The following COP1 variants were observed in gnomAD, a reference collection of about 807,000 sequenced individuals.
The protein encoded by COP1 is E3 ubiquitin-protein ligase COP1.
A neutral mutation model predicts 101.3 loss-of-function variants in COP1; 24 were observed. The observed-to-expected ratio is 0.24, with a 90% CI of 0.17 to 0.33. The LOEUF (loss-of-function observed/expected upper bound fraction) is 0.33, where lower values mean the gene tolerates loss of function less well. COP1 is among the 10% of genes least tolerant of loss of function. COP1 has a pLI of 1.00. For synonymous variants in COP1, 347 were observed against 341.9 expected, an observed-to-expected ratio of 1.01 and a Z score of -0.17; for missense variants, 663 against 906.2, an observed-to-expected ratio of 0.73 and a Z score of 3.45.
At chr1:175,979,124 T>C (rs766759055) in intron 18 of COP1, among the ~76,000 whole-genome samples, 3 of 152,110 alleles carry the variant, frequency 2.0e-5, no homozygotes, top group Admixed American at 6.5e-5. Context: ...CCAAACATGA[T>C]TGTTCATATA....
intron 18 of COP1, among the ~76,000 whole-genome samples, chr1:175,954,908 A>C (rs1280228537): frequency 1.3e-5 from 2 of 152,110 alleles, no homozygotes. Context: ...CAGATATTAA[A>C]ATTGGTTTTC....
intron 11 of COP1, among the ~76,000 whole-genome samples, chr1:176,067,564 C>T (rs779315773): frequency 2.0e-4 from 30 of 152,054 alleles, no homozygotes; most frequent in African/African-American, 2.9e-4. Flanking sequence ...CTGAGCGGCC[C>T]GACTCCAGGG....
intron 6 of COP1, 48 bp from the exon 7 acceptor site, chr1:176,136,595 C>G: frequency 7.8e-7 from 1 of 1,289,740 alleles, no homozygotes. Flanking sequence ...AAGCCTAAGC[C>G]AAACCAAAAT....
rs549613379 is a variant in COP1 at position 176,069,308 on chromosome 1, C to T, written c.1277+11844G>A. 1.8e-3 allele frequency among the ~76,000 whole-genome samples: 280 copies of T among 152,172 alleles called. 1 individual carries two copies. The highest frequency in any genetic ancestry group is 6.6e-3 in the African/African-American group (274 of 41,536). ...AGCATCCTATCTTTAAAATCAAGCACAGAAAGAATAATCTTAGGAATTCAT... is the reference window on the plus strand; with the variant it reads ...AGCATCCTATCTTTAAAATCAAGCATAGAAAGAATAATCTTAGGAATTCAT... On this transcript the variant is annotated intron_variant, in intron 11 of 19. Transcript: ENST00000367669.
At chr1:175,993,438 A>T (rs1019294935) in intron 15 of COP1, among the ~76,000 whole-genome samples, 1 of 152,236 alleles carries the variant, frequency 6.6e-6, no homozygotes, top group Non-Finnish European at 1.5e-5. Context: ...AGATGATCAA[A>T]CTACTCTGAG....
intron 8 of COP1, among the ~76,000 whole-genome samples, chr1:176,118,047 G>T (rs1201874595): frequency 6.6e-6 from 1 of 152,196 alleles, no homozygotes; most frequent in Non-Finnish European, 1.5e-5. Context: ...GAACCTCAAA[G>T]GTTAAAGCAT....
chr1:176,097,195 T>TATG (rs767028168), intron 9 of COP1, among the ~76,000 whole-genome samples: 28 of 152,148 alleles, frequency 1.8e-4, no homozygotes, highest in Non-Finnish European at 3.8e-4. Flanking sequence ...AAAAGGTCTT[T>TATG]ATGTTTTTCT....
chr1:175,997,166 T>G (rs1246595018), intron 15 of COP1, among the ~76,000 whole-genome samples: 6 of 150,536 alleles, frequency 4.0e-5, no homozygotes, highest in Non-Finnish European at 6.0e-5. Flanking sequence ...CCCTATTTAA[T>G]AAATGGTGCT....
chr1:175,999,209 G>C (rs1380997132), intron 15 of COP1, among the ~76,000 whole-genome samples: 1 of 151,994 alleles, frequency 6.6e-6, no homozygotes, highest in Admixed American at 6.6e-5. Context: ...TACTCATTCT[G>C]TGTATTTTTT....
At chr1:176,038,577 T>A (rs1006405216) in intron 14 of COP1, among the ~76,000 whole-genome samples, 2 of 152,188 alleles carry the variant, frequency 1.3e-5, no homozygotes, top group Non-Finnish European at 2.9e-5. Context: ...CCCAGCACTT[T>A]GGGAGGCCAA....
At chr1:175,993,397 T>C (rs1162138952) in intron 15 of COP1, among the ~76,000 whole-genome samples, 1 of 152,198 alleles carries the variant, frequency 6.6e-6, no homozygotes, top group African/African-American at 2.4e-5. Flanking sequence ...GGATGGAGAA[T>C]GGCTTTGACG....
intron 1 of COP1, among the ~76,000 whole-genome samples, chr1:176,202,309 C>G (rs186121421): frequency 6.6e-6 from 1 of 151,152 alleles, no homozygotes; most frequent in East Asian, 2.0e-4. Context: ...CCCATCTCAG[C>G]TTCTTGAGTA....
At chr1:175,984,035 A>C (rs1053738362) in intron 18 of COP1, among the ~76,000 whole-genome samples, 3 of 152,362 alleles carry the variant, frequency 2.0e-5, no homozygotes, top group Admixed American at 2.0e-4. Flanking sequence ...AATAGAAAAG[A>C]AAATCCCATT....
intron 14 of COP1, among the ~76,000 whole-genome samples, chr1:176,029,485 A>G (rs1189808314): frequency 6.6e-6 from 1 of 152,230 alleles, no homozygotes; most frequent in African/African-American, 2.4e-5. Flanking sequence ...ATAGATTTTC[A>G]GTATATAAGT....
At chr1:176,204,101 T>C (rs978640715) in intron 1 of COP1, among the ~76,000 whole-genome samples, 2 of 152,172 alleles carry the variant, frequency 1.3e-5, no homozygotes, top group African/African-American at 4.8e-5. Context: ...AACTTACAGA[T>C]CTGAAACTCT....
At chr1:176,130,860 G>T (rs1326728148) in intron 8 of COP1, among the ~76,000 whole-genome samples, 1 of 151,668 alleles carries the variant, frequency 6.6e-6, no homozygotes, top group Non-Finnish European at 1.5e-5. Context: ...TATAGAAACA[G>T]AATCAAAATA....
At chr1:176,128,937 GC>G (rs1688471846) in intron 8 of COP1, among the ~76,000 whole-genome samples, 1 of 151,790 alleles carries the variant, frequency 6.6e-6, no homozygotes, top group African/African-American at 2.4e-5. Context: ...AGGCAAGATG[GC>G]TCACTTTTCA....
intron 8 of COP1, among the ~76,000 whole-genome samples, chr1:176,126,405 A>T (rs1687992857): frequency 6.6e-6 from 1 of 152,150 alleles, no homozygotes. Context: ...TAACCAGTTC[A>T]TTGAAGGTTT....
intron 6 of COP1, among the ~76,000 whole-genome samples, chr1:176,137,646 A>G (rs779319553): frequency 5.9e-5 from 9 of 152,184 alleles, no homozygotes; most frequent in Non-Finnish European, 1.2e-4. Context: ...AATTCAAATT[A>G]AGGTAGGCTT....
Sources: allele counts gnomAD v4.1 joint callset (sites outside exome capture counted in the v4.1 genomes callset), GRCh38; gene constraint gnomAD v4.1.1; transcripts MANE v1.5; gene names NCBI Gene and HGNC (gene_info 2026-07-23, HGNC 2026-07-21).